Variants in LBH observed in about 807,000 individuals in gnomAD.
The protein encoded by LBH is LBH regulator of Wnt signaling pathway, also known as protein LBH.
A neutral mutation model predicts 12.5 loss-of-function variants in LBH; 7 were observed. The observed-to-expected ratio is 0.56, with a 90% CI of 0.32 to 1.05. The LOEUF (loss-of-function observed/expected upper bound fraction) is 1.05. Ranked by LOEUF, LBH falls within the 50% of genes least tolerant of loss-of-function variation. LBH has a pLI of 0.04. For synonymous variants in LBH, 51 were observed against 50.1 expected, an observed-to-expected ratio of 1.02 and a Z score of -0.08; for missense variants, 119 against 138.9, an observed-to-expected ratio of 0.86 and a Z score of 0.72.
chr2:30,250,153 G>A (rs189381407), intron 2 of LBH, among the ~76,000 whole-genome samples: 9 of 152,296 alleles, frequency 5.9e-5, no homozygotes, highest in Admixed American at 5.9e-4. Flanking sequence ...TTTCCTGAGC[G>A]GGTTTGGGCT....
At chr2:30,242,313 G>A (rs1054414282) in intron 2 of LBH, among the ~76,000 whole-genome samples, 1 of 151,574 alleles carries the variant, frequency 6.6e-6, no homozygotes, top group Non-Finnish European at 1.5e-5. Context: ...GTGCAATCTC[G>A]GCTCACTGCA....
At chr2:30,244,559 C>G (rs376809874) in intron 2 of LBH, among the ~76,000 whole-genome samples, 1 of 152,060 alleles carries the variant, frequency 6.6e-6, no homozygotes, top group Non-Finnish European at 1.5e-5. Context: ...CCCTTCTCCC[C>G]CTTTACAAGA....
intron 2 of LBH, among the ~76,000 whole-genome samples, chr2:30,246,551 G>A (rs1044934635): frequency 3.9e-5 from 6 of 152,110 alleles, no homozygotes; most frequent in Non-Finnish European, 5.9e-5. Context: ...TGAGAGGAGA[G>A]GCATTGTTTT....
At chr2:30,248,944 GTT>G (rs1677923814) in intron 2 of LBH, among the ~76,000 whole-genome samples, 1 of 151,178 alleles carries the variant, frequency 6.6e-6, no homozygotes, top group African/African-American at 2.5e-5. Context: ...AGGTCTAGCA[GTT>G]GTTATAAGCC....
intron 2 of LBH, among the ~76,000 whole-genome samples, chr2:30,241,573 C>A (rs1008941715): frequency 6.6e-6 from 1 of 151,016 alleles, no homozygotes; most frequent in African/African-American, 2.4e-5. Flanking sequence ...GATTCTCCTG[C>A]CTCAGCCTCT....
intron 2 of LBH, among the ~76,000 whole-genome samples, chr2:30,246,601 G>C (rs993215942): frequency 4.6e-5 from 7 of 152,176 alleles, no homozygotes; most frequent in Non-Finnish European, 1.0e-4. Flanking sequence ...TTTAATAGAA[G>C]ACTAGGCTAG....
Position 30,249,771 on chromosome 2 carries a change from G to A in LBH, c.130-7662G>A, listed in dbSNP as rs528375732. Among the ~76,000 whole-genome samples the A allele has an allele frequency of 8.5e-4, 130 of 152,328 alleles. 2 individuals carry two copies. The highest frequency in any genetic ancestry group is 8.4e-3 in the Admixed American group (129 of 15,304). ...CTCTAAATGCTGCTGGGGGACCCCA[G>A]CTTTACCTAGTAAGAACCATCATTA... On this transcript the variant is annotated intron_variant, in intron 2 of 2. Transcript: ENST00000395323.
intron 2 of LBH, among the ~76,000 whole-genome samples, chr2:30,238,821 A>C (rs1317805630): frequency 6.7e-6 from 1 of 149,894 alleles, no homozygotes; most frequent in Non-Finnish European, 1.5e-5. Context: ...CCGGCACAAG[A>C]TCTCTTGCCC....
In LBH at chr2:30,257,897, C is replaced by A; in HGVS notation, c.*276C>A. 2 of 276,614 alleles carry A rather than the reference C, an allele frequency of 7.2e-6. 1 individual carries two copies. The highest frequency in any genetic ancestry group is 1.2e-4 in the South Asian group (2 of 16,882). 17.1% of individuals were successfully genotyped at this position (276,614 alleles called of 1,614,324 possible). On this transcript the variant is annotated 3_prime_UTR_variant, in exon 3 of 3. Coordinates refer to ENST00000395323, the MANE Select transcript of LBH (RefSeq NM_030915.4). ...CCAGGGGGTTAGTGGGTGAGGGGAGCGAGTGCTGTTTTTGAGATCATTATC... is the reference window on the plus strand; with the variant it reads ...CCAGGGGGTTAGTGGGTGAGGGGAGAGAGTGCTGTTTTTGAGATCATTATC...
chr2:30,257,325 C>T, intron 2 of LBH, 108 bp from the exon 3 acceptor site: 1 of 1,241,284 alleles, frequency 8.1e-7, no homozygotes, highest in Non-Finnish European at 1.2e-6. Flanking sequence ...AGCACAGTCC[C>T]TGGCCTATGG....
chr2:30,255,611 T>C (rs1384825861), intron 2 of LBH, among the ~76,000 whole-genome samples: 2 of 152,172 alleles, frequency 1.3e-5, no homozygotes, highest in Non-Finnish European at 2.9e-5. Context: ...CACTGAGGCC[T>C]GTGATTCCTG....
At position 30,258,219 on chromosome 2, in the gene LBH, G is replaced by C. The variant is rs538081833; in HGVS notation, c.*598G>C. On this transcript the variant is annotated 3_prime_UTR_variant, in exon 3 of 3. Transcript: ENST00000395323. ...CAGGTGTGTTGGTCTATATGACAGG[G>C]AGGAGAGTAAAGGAGAGCAGGAGCA... 1 of 153,144 alleles carries C rather than the reference G, an allele frequency of 6.5e-6. No individual in the cohort carries two copies. Among genetic ancestry groups the C allele is most frequent in the South Asian group, 2.1e-4 (1 of 4,874 alleles). 9.5% of individuals were successfully genotyped at this position (153,144 alleles called of 1,614,324 possible). A position where few individuals can be genotyped will look rare whatever the true frequency, so the allele number is the denominator to read the frequency against.
chr2:30,231,860 G>A (rs1173715578), intron 1 of LBH, 96 bp downstream of exon 1: 85 of 1,112,650 alleles, frequency 7.6e-5, no homozygotes, highest in Non-Finnish European at 9.0e-5. Flanking sequence ...GAGGGCAGCC[G>A]GCGGCGCGGG....
intron 2 of LBH, among the ~76,000 whole-genome samples, chr2:30,239,334 G>T (rs1677745904): frequency 6.6e-6 from 1 of 152,112 alleles, no homozygotes; most frequent in African/African-American, 2.4e-5. Context: ...CTGGTCCGTG[G>T]CCTCTGTCCC....
At chr2:30,252,318 G>T (rs1276880853) in intron 2 of LBH, among the ~76,000 whole-genome samples, 5 of 152,180 alleles carry the variant, frequency 3.3e-5, no homozygotes, top group Non-Finnish European at 7.3e-5. Flanking sequence ...CACCATGATT[G>T]TAAGTTTCCT....
intron 1 of LBH, chr2:30,232,385 G>A: frequency 3.4e-6 from 3 of 874,604 alleles, no homozygotes; most frequent in Admixed American, 3.6e-5. Context: ...GGGAGGAGCC[G>A]CCTTCGCCGT....
chr2:30,244,719 T>C (rs1266096825), intron 2 of LBH, among the ~76,000 whole-genome samples: 1 of 151,844 alleles, frequency 6.6e-6, no homozygotes, highest in African/African-American at 2.4e-5. Context: ...CTGGGCAACA[T>C]AGGGAAACTC....
Position 30,257,538 on chromosome 2 carries a change from C to A in LBH, c.235C>A (p.Arg79=). Residue 79 remains arginine (R), a synonymous_variant, in exon 3 of 3, where the codon CGG becomes AGG. Transcript: ENST00000395323. ...TEGEVESGEL[R]WPPEEFLVQE... ...AGGGGAGGTGGAGAGCGGGGAGCTC[C>A]GGTGGCCCCCTGAGGAGTTCCTGGT... is the stretch of plus-strand genomic sequence containing the variant. The A allele has an allele frequency of 6.2e-7, 1 of 1,614,146 alleles. No individual in the cohort carries two copies. Among genetic ancestry groups the A allele is most frequent in the South Asian group, 1.1e-5 (1 of 91,076 alleles).
At chr2:30,251,313 A>G (rs1677974552) in intron 2 of LBH, among the ~76,000 whole-genome samples, 1 of 152,072 alleles carries the variant, frequency 6.6e-6, no homozygotes, top group Admixed American at 6.5e-5. Flanking sequence ...CATATGCAGA[A>G]CATTCTTTTG....
Sources: allele counts gnomAD v4.1 joint callset (sites outside exome capture counted in the v4.1 genomes callset), GRCh38; gene constraint gnomAD v4.1.1; transcripts MANE v1.5; gene names NCBI Gene and HGNC (gene_info 2026-07-23, HGNC 2026-07-21).